Variants in YLPM1 observed in about 807,000 individuals in gnomAD.
YLPM1 encodes the protein YLP motif containing 1.
In YLPM1, 99 loss-of-function variants were observed where a neutral mutation model predicts 230.0. The observed-to-expected ratio is 0.43, with a 90% CI of 0.37 to 0.51. YLPM1 has a LOEUF of 0.51. Ranked by LOEUF, YLPM1 falls within the 20% of genes least tolerant of loss-of-function variation. YLPM1 has a pLI of 0.00. For missense variants in YLPM1, 2,592 were observed against 2,707.7 expected, an observed-to-expected ratio of 0.96 and a Z score of 0.95; for synonymous variants, 984 against 942.5, an observed-to-expected ratio of 1.04 and a Z score of -0.81.
intron 4 of YLPM1, among the ~76,000 whole-genome samples, chr14:74,792,357 C>T (rs546164852): frequency 6.6e-6 from 1 of 152,274 alleles, no homozygotes; most frequent in East Asian, 1.9e-4. Flanking sequence ...TCAAGTTTAC[C>T]TATCAAGCCC....
At chr14:74,783,810 TTA>T in intron 4 of YLPM1, among the ~76,000 whole-genome samples, 1 of 152,316 alleles carries the variant, frequency 6.6e-6, no homozygotes, top group South Asian at 2.1e-4. Context: ...GCTAGAGACT[TTA>T]CACACATTAT....
Position 74,836,541 on chromosome 14 carries a change from T to C in YLPM1, c.*803T>C, listed in dbSNP as rs1450322986. On this transcript the variant is annotated 3_prime_UTR_variant, in exon 21 of 21. Coordinates refer to ENST00000325680, the MANE Select transcript of YLPM1 (RefSeq NM_019589.3). Reference sequence around the variant, plus strand: ...TTCTTTCCTTCCTTCTTCTTTTCACTTTCTGCCTTTATGCTGTTAGGTTTT... The same window carrying C: ...TTCTTTCCTTCCTTCTTCTTTTCACCTTCTGCCTTTATGCTGTTAGGTTTT... 1 of 152,366 alleles carries C rather than the reference T, an allele frequency of 6.6e-6. No individual in the cohort carries two copies. Among genetic ancestry groups the C allele is most frequent in the Non-Finnish European group, 1.5e-5 (1 of 68,058 alleles). 9.4% of individuals were successfully genotyped at this position (152,366 alleles called of 1,614,324 possible).
In YLPM1 at chr14:74,835,263, A is replaced by C. The variant is rs1161180436; in HGVS notation, c.6295-2A>C. The C allele has an allele frequency of 6.2e-7, 1 of 1,613,196 alleles. No individual in the cohort carries two copies. Among genetic ancestry groups the C allele is most frequent in the African/African-American group, 1.3e-5 (1 of 74,972 alleles). On this transcript the variant is annotated splice_acceptor_variant, in intron 19 of 20. Transcript: ENST00000325680. LOFTEE classifies it high-confidence loss of function. ...CTCAGCCTAATGCTATGTTCTTTTT[A>C]GGTCAGATGGGCAGACCTGGAAGAG...
intron 5 of YLPM1, 99 bp downstream of exon 5, chr14:74,799,796 CA>C: frequency 7.0e-7 from 1 of 1,424,524 alleles, no homozygotes; most frequent in East Asian, 2.5e-5. Context: ...CATTTTACTT[CA>C]AGTTCTTATC....
At position 74,811,699 on chromosome 14, in the gene YLPM1, T is replaced by A. The variant is rs749818529; in HGVS notation, c.5308T>A (p.Ser1770Thr). The A allele has an allele frequency of 6.2e-7, 1 of 1,611,998 alleles. No individual in the cohort carries two copies. Among genetic ancestry groups the A allele is most frequent in the South Asian group, 1.1e-5 (1 of 90,740 alleles). Residue 1770 changes from serine (S) to threonine (T), a missense_variant, in exon 10 of 21, where the codon TCT becomes ACT. Coordinates refer to ENST00000325680, the MANE Select transcript of YLPM1 (RefSeq NM_019589.3). ...GFDRPSYDRK[S>T]DRPVYEGPSM... ...TGATAGGCCATCCTATGACCGGAAGTCTGACCGACCAGTCTATGAAGGACC... is the reference window on the plus strand; with the variant it reads ...TGATAGGCCATCCTATGACCGGAAGACTGACCGACCAGTCTATGAAGGACC...
chr14:74,818,437 T>A (rs1361379882), intron 16 of YLPM1, 123 bp downstream of exon 16: 1 of 658,464 alleles, frequency 1.5e-6, no homozygotes, highest in Non-Finnish European at 2.4e-6. Context: ...CACCTACTGA[T>A]ATGCCTTTCA....
At chr14:74,820,414 A>G (rs997540987) in intron 16 of YLPM1, among the ~76,000 whole-genome samples, 9 of 151,922 alleles carry the variant, frequency 5.9e-5, no homozygotes, top group Non-Finnish European at 8.8e-5. Context: ...TGCCCAGCTA[A>G]TTTTTTATTT....
In YLPM1 at chr14:74,778,435, T is replaced by C; in HGVS notation, c.874-12T>C. On this transcript the variant is annotated splice_polypyrimidine_tract_variant and intron_variant, in intron 1 of 20. Transcript: ENST00000325680. Reference sequence around the variant, plus strand: ...TGTCAATCAAAATTCTCAAAAATTGTTTCTGTTGTAGGAACAGCAGCAGTA... The same window carrying C: ...TGTCAATCAAAATTCTCAAAAATTGCTTCTGTTGTAGGAACAGCAGCAGTA... 1.9e-6 allele frequency: 3 copies of C among 1,576,394 alleles called. No individual in the cohort carries two copies. The highest frequency in any genetic ancestry group is 2.6e-6 in the Non-Finnish European group (3 of 1,160,944).
At chr14:74,779,244 T>A (rs1474982159) in intron 2 of YLPM1, among the ~76,000 whole-genome samples, 1 of 152,160 alleles carries the variant, frequency 6.6e-6, no homozygotes. Flanking sequence ...GATGCCAGCA[T>A]ATGTTCATAG....
chr14:74,823,399 T>C (rs1358299047), intron 17 of YLPM1, among the ~76,000 whole-genome samples: 1 of 152,088 alleles, frequency 6.6e-6, no homozygotes, highest in Non-Finnish European at 1.5e-5. Flanking sequence ...GGAATAATGA[T>C]AAATCACATG....
At chr14:74,816,396 T>G in intron 12 of YLPM1, 131 bp downstream of exon 12, 1 of 1,249,816 alleles carries the variant, frequency 8.0e-7, no homozygotes, top group Non-Finnish European at 1.1e-6. Flanking sequence ...AGTTGGCCCA[T>G]GTGGTAGATG....
Position 74,797,971 on chromosome 14 carries a change from G to C in YLPM1, c.2674G>C (p.Asp892His), listed in dbSNP as rs757874376. Residue 892 changes from aspartate (D) to histidine (H), a missense_variant, in exon 5 of 21, where the codon GAT (aspartate) becomes CAT (histidine). Asp to His is a moderately conservative substitution (Grantham distance 81, BLOSUM62 -1). Transcript: ENST00000325680. Reference sequence around the variant, plus strand: ...ATTTTCCATTGCTGCAGATGTAAAGGATGTCAAGGCGGCTCAGTCAAATGA... The same window carrying C: ...ATTTTCCATTGCTGCAGATGTAAAGCATGTCAAGGCGGCTCAGTCAAATGA... ...AAFSIAADVK[D>H]VKAAQSNENL... is the part of the protein sequence containing the mutation. 5.6e-6 allele frequency: 9 copies of C among 1,608,912 alleles called. No individual in the cohort carries two copies. In the East Asian group the frequency reaches 2.0e-4, roughly 36 times the overall value.
chr14:74,793,721 T>C (rs985239479), intron 4 of YLPM1, among the ~76,000 whole-genome samples: 4 of 152,204 alleles, frequency 2.6e-5, no homozygotes, highest in Admixed American at 6.5e-5. Flanking sequence ...GAGGGGCTTG[T>C]TACCTGTCAG....
intron 4 of YLPM1, among the ~76,000 whole-genome samples, chr14:74,790,027 A>G (rs1402616137): frequency 6.6e-6 from 1 of 151,888 alleles, no homozygotes; most frequent in Non-Finnish European, 1.5e-5. Flanking sequence ...TGTCTTGATT[A>G]TTCTTATTAG....
At position 74,798,391 on chromosome 14, in the gene YLPM1, C is replaced by T. The variant is rs766663389; in HGVS notation, c.3094C>T (p.Arg1032Trp). ...TGGGCAAAGCAGAATGGAAGACACA[C>T]GGGATAAAGGTCTAGTAAACAGAGG... Reference protein sequence around the residue: ...GPGQSRMEDTRDKGLVNRGRG... With the variant: ...GPGQSRMEDTWDKGLVNRGRG... Residue 1032 changes from arginine (R) to tryptophan (W), a missense_variant, in exon 5 of 21, where the codon CGG (arginine) becomes TGG (tryptophan). Arg to Trp is a moderately radical substitution (Grantham distance 101). Around this residue, in one of 4 missense-constraint regions of YLPM1, gnomAD observed 1,862 missense variants for 1,819.8 expected, o/e 1.02. Transcript: ENST00000325680. 89 of 1,613,786 alleles carry T rather than the reference C, an allele frequency of 5.5e-5. No individual in the cohort carries two copies. The highest frequency in any genetic ancestry group is 1.6e-4 in the Middle Eastern group (1 of 6,084).
intron 18 of YLPM1, among the ~76,000 whole-genome samples, chr14:74,825,435 GT>G (rs1029386623): frequency 3.9e-5 from 6 of 151,920 alleles, no homozygotes; most frequent in Admixed American, 3.9e-4. Flanking sequence ...ATTATATGTG[GT>G]TTTTGACATA....
chr14:74,779,376 A>AT (rs2091071429), intron 2 of YLPM1, among the ~76,000 whole-genome samples: 1 of 150,410 alleles, frequency 6.6e-6, no homozygotes, highest in Admixed American at 6.6e-5. Flanking sequence ...CTGTGCTTCA[A>AT]TTTACTCCTC....
chr14:74,834,712 C>G (rs1479302320), intron 19 of YLPM1, among the ~76,000 whole-genome samples: 4 of 152,158 alleles, frequency 2.6e-5, no homozygotes, highest in Non-Finnish European at 5.9e-5. Context: ...GCGATGCGCT[C>G]TGAGTGCTAG....
chr14:74,830,197 A>G (rs1185239375), intron 19 of YLPM1, among the ~76,000 whole-genome samples: 2 of 152,214 alleles, frequency 1.3e-5, no homozygotes, highest in Non-Finnish European at 1.5e-5. Flanking sequence ...GTCTACAGTG[A>G]TGAGGCAGCA....
Sources: allele counts gnomAD v4.1 joint callset (sites outside exome capture counted in the v4.1 genomes callset), GRCh38; gene constraint gnomAD v4.1.1; regional missense constraint gnomAD v4.1.1; transcripts MANE v1.5; gene names NCBI Gene and HGNC (gene_info 2026-07-23, HGNC 2026-07-21).